The following KLF12 variants were observed in gnomAD, a reference collection of about 807,000 sequenced individuals.
KLF12 encodes Krueppel-like factor 12.
In KLF12, 9 loss-of-function variants were observed where a neutral mutation model predicts 37.8. The observed-to-expected ratio is 0.24, with a 90% CI of 0.14 to 0.42. The LOEUF (loss-of-function observed/expected upper bound fraction) is 0.42, where lower values mean the gene tolerates loss of function less well. Among genes scored for constraint, KLF12 ranks in the 10% least tolerant of loss-of-function variants. KLF12 has a pLI of 1.00. For synonymous variants in KLF12, 208 were observed against 202.1 expected, an observed-to-expected ratio of 1.03 and a Z score of -0.25; for missense variants, 411 against 516.0, an observed-to-expected ratio of 0.80 and a Z score of 1.97.
chr13:74,045,860 C>A (rs9565070), intron 1 of KLF12, among the ~76,000 whole-genome samples: 105,714 of 152,112 alleles, frequency 0.69, 37,000 homozygotes, highest in East Asian at 0.85. Flanking sequence ...GCGCTCCAAG[C>A]TGCCAGGATG....
At chr13:73,964,461 A>G (rs1408022155) in intron 2 of KLF12, among the ~76,000 whole-genome samples, 2 of 152,156 alleles carry the variant, frequency 1.3e-5, no homozygotes, top group Non-Finnish European at 2.9e-5. Context: ...GCTCAATTTC[A>G]GAAACACTCT....
chr13:73,812,721 G>A (rs1398627372), intron 5 of KLF12, among the ~76,000 whole-genome samples: 1 of 151,942 alleles, frequency 6.6e-6, no homozygotes, highest in Non-Finnish European at 1.5e-5. Context: ...CTTTTCAAAG[G>A]ATGAACATAT....
chr13:73,959,657 A>T (rs934913655), intron 2 of KLF12, among the ~76,000 whole-genome samples: 1 of 151,996 alleles, frequency 6.6e-6, no homozygotes, highest in African/African-American at 2.4e-5. Flanking sequence ...CATATGTAAA[A>T]TTATATATCT....
chr13:74,139,037 A>G, the KLF12 span, among the ~76,000 whole-genome samples: 3 of 152,212 alleles, frequency 2.0e-5, no homozygotes, highest in African/African-American at 7.2e-5. Flanking sequence ...GGTATAATGG[A>G]AAGAGTGCTT....
At chr13:73,816,964 C>G (rs919249792) in intron 4 of KLF12, among the ~76,000 whole-genome samples, 4 of 152,188 alleles carry the variant, frequency 2.6e-5, no homozygotes, top group African/African-American at 9.7e-5. Flanking sequence ...TGCTTGAAAA[C>G]CTCTTGGCTA....
intron 1 of KLF12, among the ~76,000 whole-genome samples, chr13:74,028,231 G>A (rs1893027596): frequency 6.6e-6 from 1 of 152,138 alleles, no homozygotes; most frequent in African/African-American, 2.4e-5. Flanking sequence ...AGTATAAAAA[G>A]TGCATGGAAA....
intron 5 of KLF12, among the ~76,000 whole-genome samples, chr13:73,784,928 G>A (rs760248894): frequency 9.2e-5 from 14 of 151,746 alleles, no homozygotes; most frequent in Non-Finnish European, 1.3e-4. Context: ...GAGCCACTGC[G>A]CCCGGCCTCA....
intron 6 of KLF12, among the ~76,000 whole-genome samples, chr13:73,758,082 A>G (rs1879295431): frequency 2.0e-5 from 3 of 149,900 alleles, no homozygotes; most frequent in Admixed American, 2.0e-4. Flanking sequence ...TTTTTTAGAG[A>G]CAGGGGTTGG....
chr13:74,132,742 A>G (rs376232910), intron 1 of KLF12, among the ~76,000 whole-genome samples: 1 of 152,210 alleles, frequency 6.6e-6, no homozygotes, highest in South Asian at 2.1e-4. Context: ...GGCATATAAC[A>G]AAGGAATTGG....
intron 7 of KLF12, among the ~76,000 whole-genome samples, chr13:73,709,335 C>T (rs1875186652): frequency 6.6e-6 from 1 of 152,186 alleles, no homozygotes; most frequent in Admixed American, 6.5e-5. Flanking sequence ...ACTTACTCCC[C>T]TCCCATAGCG....
At chr13:73,884,852 CTTT>C (rs1887144501) in intron 3 of KLF12, among the ~76,000 whole-genome samples, 2 of 152,192 alleles carry the variant, frequency 1.3e-5, no homozygotes, top group African/African-American at 4.8e-5. Context: ...TTATTCACTT[CTTT>C]GTTTTCATCT....
intron 3 of KLF12, among the ~76,000 whole-genome samples, chr13:73,883,251 AT>A (rs1261380756): frequency 6.6e-6 from 1 of 152,158 alleles, no homozygotes; most frequent in East Asian, 1.9e-4. Flanking sequence ...AAAAACAGTT[AT>A]TTGCATGAGA....
intron 6 of KLF12, among the ~76,000 whole-genome samples, chr13:73,746,084 CTG>C (rs1878349188): frequency 1.4e-5 from 2 of 144,724 alleles, no homozygotes; most frequent in Non-Finnish European, 3.0e-5. Flanking sequence ...AAAAAAAAAA[CTG>C]TGCATTGCCA....
the KLF12 span, among the ~76,000 whole-genome samples, chr13:74,301,765 T>C: frequency 6.6e-6 from 1 of 152,282 alleles, no homozygotes; most frequent in Non-Finnish European, 1.5e-5. Flanking sequence ...TGGAGACTCC[T>C]GCATCCCATA....
intron 5 of KLF12, among the ~76,000 whole-genome samples, chr13:73,791,208 A>C (rs1881668591): frequency 6.6e-6 from 1 of 152,196 alleles, no homozygotes; most frequent in Admixed American, 6.5e-5. Flanking sequence ...GCAGAGTAAA[A>C]ATCTTTACTA....
intron 5 of KLF12, among the ~76,000 whole-genome samples, chr13:73,809,471 G>A (rs1257067785): frequency 2.0e-5 from 2 of 101,000 alleles, no homozygotes; most frequent in East Asian, 9.5e-4. Context: ...TCGCAATTGT[G>A]CACACTGAAA....
At chr13:73,744,147 A>C (rs565443910) in intron 6 of KLF12, among the ~76,000 whole-genome samples, 7 of 152,312 alleles carry the variant, frequency 4.6e-5, no homozygotes, top group African/African-American at 1.4e-4. Flanking sequence ...TCTGCTTTCA[A>C]ATTCTCCATC....
At chr13:74,134,538 C>G (rs1878462826), upstream of KLF12, among the ~76,000 whole-genome samples, 1 of 151,764 alleles carries the variant, frequency 6.6e-6, no homozygotes, top group Non-Finnish European at 1.5e-5. Context: ...CCGCCCCACC[C>G]CGCCCCACCC....
chr13:73,897,822 A>G (rs1342562773), intron 3 of KLF12, among the ~76,000 whole-genome samples: 1 of 152,204 alleles, frequency 6.6e-6, no homozygotes, highest in Non-Finnish European at 1.5e-5. Flanking sequence ...CAATGCCTCT[A>G]TTAAAAAATG....
Sources: gnomAD v4.1 joint callset for allele counts (sites outside exome capture counted in the v4.1 genomes callset) on GRCh38, gnomAD v4.1.1 for gene constraint, MANE v1.5 for transcripts, NCBI Gene and HGNC (gene_info 2026-07-23, HGNC 2026-07-21) for gene names.